Variants in CDH23 observed in about 807,000 individuals in gnomAD.
CDH23 encodes the protein cadherin-23.
A neutral mutation model predicts 317.1 loss-of-function variants in CDH23; 189 were observed. The observed-to-expected ratio is 0.60, with a 90% CI of 0.53 to 0.67. The LOEUF (loss-of-function observed/expected upper bound fraction) is 0.67. CDH23 is among the 30% of genes least tolerant of loss of function. The probability of loss-of-function intolerance (pLI) is 0.00; values close to 1 mark genes in which losing one functional copy is unlikely to be tolerated. For missense variants in CDH23, 4,401 were observed against 4,592.4 expected, an observed-to-expected ratio of 0.96 and a Z score of 1.20; for synonymous variants, 1,839 against 1,876.8, an observed-to-expected ratio of 0.98 and a Z score of 0.52.
intron 3 of CDH23, among the ~76,000 whole-genome samples, chr10:71,451,637 G>C (rs1419476466): frequency 1.3e-5 from 2 of 152,198 alleles, no homozygotes; most frequent in East Asian, 3.8e-4. Flanking sequence ...CTCCTTGTTG[G>C]GGGTTAAGTG....
chr10:71,783,770 C>G (rs545311434), intron 41 of CDH23, among the ~76,000 whole-genome samples: 1 of 152,216 alleles, frequency 6.6e-6, no homozygotes, highest in Non-Finnish European at 1.5e-5. Context: ...GCCCCTCATC[C>G]GTCCCCTTCT....
At chr10:71,546,319 C>T (rs964527115) in intron 6 of CDH23, among the ~76,000 whole-genome samples, 5 of 152,142 alleles carry the variant, frequency 3.3e-5, no homozygotes, top group Non-Finnish European at 7.4e-5. Flanking sequence ...TTTGCTCGTG[C>T]GGAAAAATGG....
intron 32 of CDH23, 136 bp from the exon 33 acceptor site, chr10:71,734,104 G>C: frequency 2.7e-6 from 2 of 733,308 alleles, no homozygotes; most frequent in Non-Finnish European, 4.8e-6. Context: ...AGAGAAGAAG[G>C]AATTCAACAG....
chr10:71,457,320 C>A (rs1320396029), intron 3 of CDH23, among the ~76,000 whole-genome samples: 2 of 152,174 alleles, frequency 1.3e-5, no homozygotes, highest in African/African-American at 4.8e-5. Context: ...TCTTGTTTAA[C>A]CCTTACAGTG....
chr10:71,642,922 C>T (rs1187752750), intron 11 of CDH23, among the ~76,000 whole-genome samples: 4 of 152,234 alleles, frequency 2.6e-5, no homozygotes, highest in Non-Finnish European at 5.9e-5. Flanking sequence ...GCATGGTCTA[C>T]AGCCTCAAGG....
chr10:71,535,063 T>C (rs1855621501), intron 6 of CDH23, among the ~76,000 whole-genome samples: 1 of 152,214 alleles, frequency 6.6e-6, no homozygotes, highest in Non-Finnish European at 1.5e-5. Flanking sequence ...CAGGGAAGCA[T>C]GGCTGACTGC....
rs942614676 is a variant in CDH23, at chr10:71,600,525, T to A, written c.833-14979T>A. On this transcript the variant is annotated intron_variant, in intron 9 of 69. Transcript: ENST00000224721. ...GTTTGACCGCAGAACTTTTTTTTTTTTTTTTTTTTTGAGACGGAGTGTCAC... is the reference window on the plus strand; with the variant it reads ...GTTTGACCGCAGAACTTTTTTTTTTATTTTTTTTTTGAGACGGAGTGTCAC... Among the ~76,000 whole-genome samples, 2 of 149,754 alleles carry A rather than the reference T, an allele frequency of 1.3e-5. 1 individual carries two copies. The highest frequency in any genetic ancestry group is 1.3e-4 in the Admixed American group (2 of 15,080).
intron 34 of CDH23, 139 bp from the exon 35 acceptor site, chr10:71,738,359 C>A: frequency 1.0e-6 from 1 of 959,530 alleles, no homozygotes; most frequent in Non-Finnish European, 1.6e-6. Flanking sequence ...TCAGGATAGG[C>A]TTCGGTGGGC....
chr10:71,739,394 C>T (rs1696262603), intron 35 of CDH23, among the ~76,000 whole-genome samples: 1 of 152,222 alleles, frequency 6.6e-6, no homozygotes, highest in South Asian at 2.1e-4. Flanking sequence ...ACTCAAGCCC[C>T]ACTCTTCCAG....
intron 11 of CDH23, among the ~76,000 whole-genome samples, 164 bp from the exon 12 acceptor site, chr10:71,643,697 A>G (rs1273670424): frequency 6.6e-6 from 1 of 152,168 alleles, no homozygotes; most frequent in Admixed American, 6.5e-5. Context: ...GCTATGGCCC[A>G]TCAGAGGCTG....
At position 71,766,128 on chromosome 10, in the gene CDH23, G is replaced by C. The variant is rs150996551; in HGVS notation, c.4846-11552G>C. 3.7e-3 allele frequency among the ~76,000 whole-genome samples: 568 copies of C among 152,334 alleles called. 6 individuals carry two copies. Among genetic ancestry groups the C allele is most frequent in the African/African-American group, 0.013 (531 of 41,570 alleles). ...TGTTGTCAGGGAAGCTGTGCAGCCCGGCTAAAATTACAATTCTTTGGCGAG... is the reference window on the plus strand; with the variant it reads ...TGTTGTCAGGGAAGCTGTGCAGCCCCGCTAAAATTACAATTCTTTGGCGAG... On this transcript the variant is annotated intron_variant, in intron 38 of 69. Transcript: ENST00000224721.
At chr10:71,534,793 T>A (rs186869855) in intron 6 of CDH23, among the ~76,000 whole-genome samples, 2 of 152,298 alleles carry the variant, frequency 1.3e-5, no homozygotes, top group East Asian at 3.9e-4. Flanking sequence ...GTTTGGACAT[T>A]GGCACAGCCC....
intron 1 of CDH23, among the ~76,000 whole-genome samples, chr10:71,403,394 T>C (rs1240119675): frequency 5.9e-5 from 7 of 118,188 alleles, no homozygotes; most frequent in African/African-American, 7.8e-5. Flanking sequence ...TTTCTTTCTT[T>C]CTTTCTTTCT....
At chr10:71,471,701 GT>G (rs149248770) in intron 3 of CDH23, among the ~76,000 whole-genome samples, 3,618 of 152,148 alleles carry the variant, frequency 0.024, 124 homozygotes, top group African/African-American at 0.082. Flanking sequence ...ACGCCGTGTT[GT>G]TTCTGACCCC....
intron 9 of CDH23, among the ~76,000 whole-genome samples, chr10:71,591,926 T>A (rs1248743522): frequency 6.6e-6 from 1 of 151,902 alleles, no homozygotes; most frequent in East Asian, 1.9e-4. Flanking sequence ...TGTGGGTTGG[T>A]TAGGTGGCAA....
rs549091730 is a variant in CDH23 at position 71,778,054 on chromosome 10, T to G, written c.5068-135T>G. 1.9e-5 allele frequency: 27 copies of G among 1,448,518 alleles called. No homozygotes were observed. The African/African-American group carries it at 2.7e-4, about 14-fold the overall frequency. 89.7% of individuals were successfully genotyped at this position (1,448,518 alleles called of 1,614,324 possible). A position where few individuals can be genotyped will look rare whatever the true frequency, so the allele number is the denominator to read the frequency against. ...TGGGAGGATGAAAAGTTTGGTGGAGTGGAGCCTGGGCTAGGGGGTGGCAGT... is the reference window on the plus strand; with the variant it reads ...TGGGAGGATGAAAAGTTTGGTGGAGGGGAGCCTGGGCTAGGGGGTGGCAGT... On this transcript the variant is annotated intron_variant, in intron 39 of 69. Transcript: ENST00000224721.
chr10:71,560,692 C>T (rs1001011551), intron 6 of CDH23, among the ~76,000 whole-genome samples: 1 of 152,080 alleles, frequency 6.6e-6, no homozygotes, highest in Non-Finnish European at 1.5e-5. Context: ...CAGAATCCCA[C>T]TAGCCCCTCT....
chr10:71,647,079 A>G, intron 14 of CDH23: 1 of 985,414 alleles, frequency 1.0e-6, no homozygotes, highest in Non-Finnish European at 1.2e-6. Context: ...TCCCAGTGTC[A>G]TTTGTATCTG....
At chr10:71,662,179 G>C (rs1863701979) in intron 14 of CDH23, among the ~76,000 whole-genome samples, 1 of 152,070 alleles carries the variant, frequency 6.6e-6, no homozygotes, top group Non-Finnish European at 1.5e-5. Context: ...GAGCAATCGT[G>C]TGGGTATTTA....
Sources: gnomAD v4.1 joint callset for allele counts (sites outside exome capture counted in the v4.1 genomes callset) on GRCh38, gnomAD v4.1.1 for gene constraint, MANE v1.5 for transcripts, NCBI Gene and HGNC (gene_info 2026-07-23, HGNC 2026-07-21) for gene names.